CPNE4: variants seen among roughly 807,000 people sequenced by gnomAD.
CPNE4 encodes the protein copine 4, also known as copine-4.
In CPNE4, 25 loss-of-function variants were observed where a neutral mutation model predicts 67.9. The ratio of observed to expected loss-of-function variants is 0.37; its 90% CI spans 0.27 to 0.51. The LOEUF is 0.51. Ranked by LOEUF, CPNE4 falls within the 20% of genes least tolerant of loss-of-function variation. The pLI is 0.93. For missense variants in CPNE4, 464 were observed against 690.8 expected, an observed-to-expected ratio of 0.67 and a Z score of 3.68; for synonymous variants, 242 against 244.9, an observed-to-expected ratio of 0.99 and a Z score of 0.11.
At chr3:131,559,278 A>G (rs981353775) in intron 11 of CPNE4, among the ~76,000 whole-genome samples, 1 of 151,988 alleles carries the variant, frequency 6.6e-6, no homozygotes, top group Non-Finnish European at 1.5e-5. Context: ...TAGACAAGTT[A>G]TTTATTTCCA....
intron 1 of CPNE4, among the ~76,000 whole-genome samples, chr3:132,023,540 T>G (rs950913467): frequency 5.5e-5 from 7 of 126,582 alleles, no homozygotes; most frequent in Non-Finnish European, 9.4e-5. Flanking sequence ...CAGGCTGGAG[T>G]GCAGTGGCGG....
chr3:131,553,508 T>C (rs144109167), intron 12 of CPNE4, among the ~76,000 whole-genome samples: 1 of 152,112 alleles, frequency 6.6e-6, no homozygotes, highest in African/African-American at 2.4e-5. Flanking sequence ...AGGTGATGTA[T>C]ACATATCCCA....
intron 1 of CPNE4, among the ~76,000 whole-genome samples, chr3:131,954,661 G>A (rs1204290510): frequency 6.6e-6 from 1 of 152,046 alleles, no homozygotes; most frequent in Non-Finnish European, 1.5e-5. Flanking sequence ...CCCATCCCAT[G>A]ACAGGCCCAG....
At chr3:131,940,413 G>A (rs1314818498) in intron 1 of CPNE4, among the ~76,000 whole-genome samples, 3 of 151,946 alleles carry the variant, frequency 2.0e-5, no homozygotes, top group Non-Finnish European at 4.4e-5. Context: ...ATATTTATCA[G>A]TATTATTTCA....
intron 1 of CPNE4, among the ~76,000 whole-genome samples, chr3:131,967,433 G>A (rs981132586): frequency 1.3e-5 from 2 of 152,152 alleles, no homozygotes; most frequent in Admixed American, 1.3e-4. Context: ...AAGTCAAATT[G>A]TTGCTGTTTG....
At chr3:131,655,956 C>T (rs1226359900) in intron 7 of CPNE4, among the ~76,000 whole-genome samples, 1 of 152,068 alleles carries the variant, frequency 6.6e-6, no homozygotes, top group African/African-American at 2.4e-5. Flanking sequence ...AGAAAATCCA[C>T]AAGGCTACTT....
intron 2 of CPNE4, among the ~76,000 whole-genome samples, chr3:131,748,975 CTTCA>C (rs1444045146): frequency 1.5e-4 from 23 of 151,520 alleles, no homozygotes; most frequent in Non-Finnish European, 2.7e-4. Flanking sequence ...TTGCTCTTAT[CTTCA>C]TTATTTCCTT....
At chr3:131,998,201 C>A (rs1560758993) in intron 1 of CPNE4, among the ~76,000 whole-genome samples, 2 of 152,144 alleles carry the variant, frequency 1.3e-5, no homozygotes, top group African/African-American at 2.4e-5. Flanking sequence ...TACCCTTGAA[C>A]CTCAAAGATC....
At chr3:131,638,865 G>A (rs2079463979) in intron 7 of CPNE4, among the ~76,000 whole-genome samples, 1 of 152,022 alleles carries the variant, frequency 6.6e-6, no homozygotes, top group South Asian at 2.1e-4. Context: ...ACTCCAAAAG[G>A]AACCCTCAAA....
At chr3:131,544,325 A>C (rs1935693142) in intron 14 of CPNE4, among the ~76,000 whole-genome samples, 1 of 152,030 alleles carries the variant, frequency 6.6e-6, no homozygotes, top group Admixed American at 6.5e-5. Context: ...GGTAGTACTA[A>C]AGAATTTCAT....
At chr3:131,807,808 T>G (rs2084375242) in intron 2 of CPNE4, among the ~76,000 whole-genome samples, 1 of 152,170 alleles carries the variant, frequency 6.6e-6, no homozygotes. Flanking sequence ...AAAGAAATAG[T>G]AGAAAATGTT....
chr3:131,761,408 A>C (rs188231387), intron 2 of CPNE4, among the ~76,000 whole-genome samples: 6 of 152,084 alleles, frequency 3.9e-5, no homozygotes, highest in African/African-American at 1.4e-4. Context: ...TCTTAATCAG[A>C]TTACCAAAGT....
chr3:131,699,083 C>T (rs575758348), intron 4 of CPNE4, among the ~76,000 whole-genome samples: 2 of 152,166 alleles, frequency 1.3e-5, no homozygotes, highest in Admixed American at 6.5e-5. Flanking sequence ...TTTTTTCACT[C>T]CATACATCCA....
At chr3:131,638,651 A>G (rs1240795259) in intron 7 of CPNE4, among the ~76,000 whole-genome samples, 1 of 152,172 alleles carries the variant, frequency 6.6e-6, no homozygotes, top group East Asian at 1.9e-4. Context: ...GGACTTAACT[A>G]TACCCTAAAA....
intron 3 of CPNE4, among the ~76,000 whole-genome samples, chr3:131,708,475 A>G (rs1450633170): frequency 6.6e-6 from 1 of 152,136 alleles, no homozygotes; most frequent in East Asian, 1.9e-4. Flanking sequence ...TGATAAATGG[A>G]AGGGCAGGAG....
At chr3:131,904,927 C>T (rs4854630) in intron 2 of CPNE4, among the ~76,000 whole-genome samples, 77,389 of 151,826 alleles carry the variant, frequency 0.51, 20,365 homozygotes, top group East Asian at 0.66. Flanking sequence ...TTTCTCACCC[C>T]GGCCCAGTCT....
At chr3:131,801,408 A>C (rs1427304816) in intron 2 of CPNE4, among the ~76,000 whole-genome samples, 1 of 70,574 alleles carries the variant, frequency 1.4e-5, no homozygotes, top group Non-Finnish European at 3.1e-5. Flanking sequence ...ATATAGGTAC[A>C]TATATACGTG....
intron 2 of CPNE4, among the ~76,000 whole-genome samples, chr3:131,870,213 A>G (rs2087137383): frequency 6.6e-6 from 1 of 152,208 alleles, no homozygotes; most frequent in African/African-American, 2.4e-5. Context: ...CAAAACAGGC[A>G]AAACACTTCC....
chr3:131,550,144 A>G, intron 13 of CPNE4, 64 bp from the exon 14 acceptor site: 2 of 1,563,768 alleles, frequency 1.3e-6, no homozygotes, highest in Admixed American at 1.7e-5. Flanking sequence ...ATAGCCAAAC[A>G]CACACAAAAG....
Sources: allele counts gnomAD v4.1 joint callset (sites outside exome capture counted in the v4.1 genomes callset), GRCh38; gene constraint gnomAD v4.1.1; transcripts MANE v1.5; gene names NCBI Gene and HGNC (gene_info 2026-07-23, HGNC 2026-07-21).